The following MEI4 variants were observed in gnomAD, a reference collection of about 807,000 sequenced individuals.
MEI4 encodes the protein meiotic double-stranded break formation protein 4.
Under a neutral mutation model 31.4 loss-of-function variants are expected in MEI4, and 27 were observed. The observed-to-expected ratio is 0.86, with a 90% CI of 0.63 to 1.19. MEI4 has a LOEUF of 1.19. Ranked by LOEUF, MEI4 falls within the 50% of genes most tolerant of loss-of-function variation. The pLI, the probability that MEI4 is intolerant of heterozygous loss-of-function variation, is 0.00. For missense variants in MEI4, 329 were observed against 398.9 expected, an observed-to-expected ratio of 0.82 and a Z score of 1.49; for synonymous variants, 122 against 145.4, an observed-to-expected ratio of 0.84 and a Z score of 1.16.
At position 77,761,409 on chromosome 6, in the gene MEI4, G is replaced by A. The variant is rs527596466; in HGVS notation, c.512G>A (p.Arg171Lys). 938 of 1,232,000 alleles carry A rather than the reference G, an allele frequency of 7.6e-4. 1 individual carries two copies. The highest frequency in any genetic ancestry group is 1.0e-3 in the Admixed American group (24 of 23,686). 76.3% of individuals were successfully genotyped at this position (1,232,000 alleles called of 1,614,324 possible). ...TTGACAGAATCAGGTAATCTTAAAA[G>A]AGACTTAACCCACTTTGAAAAAGAC... is the stretch of plus-strand genomic sequence containing the variant. ...KNLTESGNLK[R>K]DLTHFEKDSS... is the part of the protein sequence containing the mutation. The change falls in exon 3 of 5, where the codon AGA (arginine) becomes AAA (lysine). Residue 171 changes from arginine to lysine, a missense_variant. Transcript: ENST00000684080.
At chr6:77,799,600 T>A (rs1250547028) in intron 3 of MEI4, among the ~76,000 whole-genome samples, 2 of 152,172 alleles carry the variant, frequency 1.3e-5, no homozygotes, top group Non-Finnish European at 2.9e-5. Flanking sequence ...ATACCTAGGT[T>A]TTCTTCTAGG....
intron 1 of MEI4, among the ~76,000 whole-genome samples, chr6:77,682,961 T>G (rs1441552441): frequency 1.3e-5 from 2 of 152,246 alleles, no homozygotes; most frequent in African/African-American, 4.8e-5. Context: ...GGCAGAATTC[T>G]CATTCCATGG....
At chr6:77,746,006 C>G (rs1479547272) in intron 2 of MEI4, among the ~76,000 whole-genome samples, 1 of 151,960 alleles carries the variant, frequency 6.6e-6, no homozygotes, top group Non-Finnish European at 1.5e-5. Flanking sequence ...TAAATGCCCA[C>G]AAGAGAAAGC....
intron 4 of MEI4, among the ~76,000 whole-genome samples, chr6:77,842,369 G>A (rs1770385696): frequency 6.6e-6 from 1 of 152,074 alleles, no homozygotes; most frequent in African/African-American, 2.4e-5. Flanking sequence ...GTGAAAGTAT[G>A]ACATGATAAT....
chr6:77,765,316 A>T (rs987855868), intron 3 of MEI4, among the ~76,000 whole-genome samples: 3 of 151,936 alleles, frequency 2.0e-5, no homozygotes, highest in Non-Finnish European at 4.4e-5. Context: ...AACGTGAGAT[A>T]TTTTTTTGAA....
At chr6:77,869,916 A>G (rs1359836931) in intron 4 of MEI4, among the ~76,000 whole-genome samples, 4 of 152,094 alleles carry the variant, frequency 2.6e-5, no homozygotes, top group Non-Finnish European at 5.9e-5. Context: ...TACCTGTTTA[A>G]TTGGGAAGTA....
intron 4 of MEI4, among the ~76,000 whole-genome samples, chr6:77,895,949 A>G (rs1301587889): frequency 2.6e-5 from 4 of 152,164 alleles, no homozygotes; most frequent in African/African-American, 4.8e-5. Context: ...TGTTTTGTTA[A>G]GAACTGCTGT....
chr6:77,838,797 G>C (rs1004509465), intron 4 of MEI4, among the ~76,000 whole-genome samples: 25 of 151,918 alleles, frequency 1.6e-4, no homozygotes, highest in Non-Finnish European at 1.5e-5. Context: ...CAGCTACTCA[G>C]GAGGCTGAGG....
chr6:77,907,012 CAGAT>C (rs71691978), intron 4 of MEI4, among the ~76,000 whole-genome samples: 41,616 of 149,774 alleles, frequency 0.28, 5,910 homozygotes, highest in East Asian at 0.36. Flanking sequence ...GATAGATGCT[CAGAT>C]AGATTCTAGA....
intron 3 of MEI4, among the ~76,000 whole-genome samples, chr6:77,769,161 G>A (rs1270409759): frequency 2.6e-5 from 4 of 152,154 alleles, no homozygotes; most frequent in African/African-American, 9.7e-5. Context: ...CCTGGCAGCG[G>A]CCATATGGCA....
intron 4 of MEI4, among the ~76,000 whole-genome samples, chr6:77,889,677 C>T (rs1205918722): frequency 6.6e-6 from 1 of 152,234 alleles, no homozygotes; most frequent in East Asian, 1.9e-4. Context: ...GGGAACATGT[C>T]TCCAGAGCAT....
chr6:77,656,889 A>C (rs1239861426), intron 1 of MEI4, among the ~76,000 whole-genome samples: 1 of 152,196 alleles, frequency 6.6e-6, no homozygotes, highest in Non-Finnish European at 1.5e-5. Context: ...AGATTTTAAA[A>C]ATTACAAGTA....
intron 4 of MEI4, among the ~76,000 whole-genome samples, chr6:77,908,545 CTG>C (rs1766353416): frequency 6.6e-6 from 1 of 152,100 alleles, no homozygotes; most frequent in Admixed American, 6.6e-5. Context: ...GTTTTGGTTA[CTG>C]TAGCCTTGTA....
At chr6:77,773,811 C>G (rs1186636742) in intron 3 of MEI4, among the ~76,000 whole-genome samples, 2 of 151,956 alleles carry the variant, frequency 1.3e-5, no homozygotes, top group African/African-American at 4.8e-5. Context: ...GCTCAAATAA[C>G]TCTGTAAGAA....
At chr6:77,870,311 G>C (rs1022823904) in intron 4 of MEI4, among the ~76,000 whole-genome samples, 4 of 152,120 alleles carry the variant, frequency 2.6e-5, no homozygotes, top group Non-Finnish European at 4.4e-5. Flanking sequence ...AGTGGACTCT[G>C]TTGCCAGATA....
chr6:77,886,137 T>C (rs146614838), intron 4 of MEI4, among the ~76,000 whole-genome samples: 142 of 152,236 alleles, frequency 9.3e-4, no homozygotes, highest in African/African-American at 3.2e-3. Context: ...AATTGTTCCC[T>C]TATCTGTTAT....
At chr6:77,767,136 C>G (rs1768196368) in intron 3 of MEI4, among the ~76,000 whole-genome samples, 1 of 152,068 alleles carries the variant, frequency 6.6e-6, no homozygotes, top group Non-Finnish European at 1.5e-5. Context: ...AATCCCAGCA[C>G]TTTGGGAGGC....
At chr6:77,746,009 G>A (rs982454688) in intron 2 of MEI4, among the ~76,000 whole-genome samples, 1 of 152,000 alleles carries the variant, frequency 6.6e-6, no homozygotes, top group African/African-American at 2.4e-5. Context: ...ATGCCCACAA[G>A]AGAAAGCAGG....
chr6:77,789,019 G>A (rs1768835989), intron 3 of MEI4, among the ~76,000 whole-genome samples: 1 of 152,170 alleles, frequency 6.6e-6, no homozygotes, highest in African/African-American at 2.4e-5. Context: ...CAAGGCTACA[G>A]TAACCAAAAT....
Sources: allele counts gnomAD v4.1 joint callset (sites outside exome capture counted in the v4.1 genomes callset), GRCh38; gene constraint gnomAD v4.1.1; transcripts MANE v1.5; gene names NCBI Gene and HGNC (gene_info 2026-07-23, HGNC 2026-07-21).